XIRP2: variants seen among roughly 807,000 people sequenced by gnomAD.
The protein encoded by XIRP2 is xin actin-binding repeat-containing protein 2.
In XIRP2, 236 loss-of-function variants were observed where a neutral mutation model predicts 277.0. That is an observed-to-expected ratio of 0.85 (90% CI 0.77 to 0.95). The LOEUF (loss-of-function observed/expected upper bound fraction) is 0.95. XIRP2 is among the 40% of genes least tolerant of loss of function. The pLI, the probability that XIRP2 is intolerant of heterozygous loss-of-function variation, is 0.00. For synonymous variants in XIRP2, 1,490 were observed against 1,416.5 expected (o/e 1.05, Z -1.17); for missense variants, 4,640 against 4,157.5 (o/e 1.12, Z -3.19).
chr2:166,892,810 T>G (rs941060829), intron 1 of XIRP2, among the ~76,000 whole-genome samples: 2 of 146,670 alleles, frequency 1.4e-5, no homozygotes, highest in Admixed American at 6.9e-5. Context: ...TCATAGAAGA[T>G]ATATATATAT....
chr2:166,900,038 G>GA (rs767243713), intron 1 of XIRP2, among the ~76,000 whole-genome samples: 10 of 151,746 alleles, frequency 6.6e-5, no homozygotes, highest in Non-Finnish European at 1.5e-4. Context: ...GCCAAATTTG[G>GA]AAAAAATTTA....
chr2:166,930,972 A>G (rs1210715782), intron 2 of XIRP2, among the ~76,000 whole-genome samples: 1 of 152,074 alleles, frequency 6.6e-6, no homozygotes, highest in Non-Finnish European at 1.5e-5. Context: ...CAGAATCCCA[A>G]GTGGGTTTGG....
At chr2:167,077,199 AGAT>A (rs1689594980) in intron 2 of XIRP2, among the ~76,000 whole-genome samples, 1 of 152,074 alleles carries the variant, frequency 6.6e-6, no homozygotes, top group South Asian at 2.1e-4. Flanking sequence ...GGGGAGAAAA[AGAT>A]TATTATTCAC....
rs368117604 is a variant in XIRP2 at position 167,258,858 on chromosome 2, A to G, written c.*1041A>G. On this transcript the variant is annotated 3_prime_UTR_variant, in exon 11 of 11. Transcript: ENST00000409195. Reference sequence around the variant, plus strand: ...GGTATATTTGAATCTGAAAAGACTTATTCGAGGAATGTACTAGCAATGGCT... The same window carrying G: ...GGTATATTTGAATCTGAAAAGACTTGTTCGAGGAATGTACTAGCAATGGCT... 6.2e-7 allele frequency: 1 copy of G among 1,613,146 alleles called. No individual in the cohort carries two copies. The highest frequency in any genetic ancestry group is 1.3e-5 in the African/African-American group (1 of 74,856).
intron 2 of XIRP2, among the ~76,000 whole-genome samples, chr2:167,100,802 G>A (rs561599114): frequency 6.6e-6 from 1 of 152,260 alleles, no homozygotes; most frequent in South Asian, 2.1e-4. Context: ...TCCATCATTA[G>A]TAATTCCCTG....
intron 3 of XIRP2, among the ~76,000 whole-genome samples, chr2:167,172,331 A>G (rs1450136187): frequency 6.6e-6 from 1 of 152,240 alleles, no homozygotes; most frequent in African/African-American, 2.4e-5. Context: ...GGGCAAGATC[A>G]CAGGACCGGG....
chr2:167,168,281 A>G (rs989500598), intron 3 of XIRP2, among the ~76,000 whole-genome samples: 1 of 152,062 alleles, frequency 6.6e-6, no homozygotes, highest in Non-Finnish European at 1.5e-5. Context: ...GGTGTCTAAC[A>G]TTACTTTGCG....
At chr2:166,996,726 G>A (rs999136980) in intron 2 of XIRP2, among the ~76,000 whole-genome samples, 3 of 151,880 alleles carry the variant, frequency 2.0e-5, no homozygotes, top group African/African-American at 7.3e-5. Flanking sequence ...AATTGTAGTC[G>A]GCCTGAACCA....
intron 2 of XIRP2, among the ~76,000 whole-genome samples, chr2:167,026,490 C>T (rs1688164618): frequency 6.6e-6 from 1 of 152,020 alleles, no homozygotes; most frequent in Admixed American, 6.6e-5. Flanking sequence ...GAATTTGATC[C>T]TGTCATTTGA....
intron 2 of XIRP2, among the ~76,000 whole-genome samples, chr2:167,056,368 A>G (rs986665801): frequency 6.6e-6 from 1 of 152,168 alleles, no homozygotes; most frequent in African/African-American, 2.4e-5. Context: ...TCATTTCTGC[A>G]GGTTATCTTT....
chr2:167,166,751 A>G (rs1015152867), intron 3 of XIRP2, among the ~76,000 whole-genome samples: 12 of 152,284 alleles, frequency 7.9e-5, no homozygotes, highest in Admixed American at 2.6e-4. Flanking sequence ...TAAGCCATTC[A>G]TGAGGGATCT....
At chr2:167,047,861 T>C (rs1377620985) in intron 2 of XIRP2, among the ~76,000 whole-genome samples, 1 of 151,978 alleles carries the variant, frequency 6.6e-6, no homozygotes, top group Non-Finnish European at 1.5e-5. Flanking sequence ...ATGTATAAAC[T>C]TAAAAATTCA....
intron 10 of XIRP2, among the ~76,000 whole-genome samples, chr2:167,256,591 C>T (rs1340589302): frequency 6.6e-6 from 1 of 151,690 alleles, no homozygotes; most frequent in Non-Finnish European, 1.5e-5. Flanking sequence ...GTTTTTCTGG[C>T]ATGTTTTCAT....
intron 3 of XIRP2, among the ~76,000 whole-genome samples, chr2:167,183,602 G>C (rs1324922417): frequency 1.3e-5 from 2 of 151,850 alleles, no homozygotes; most frequent in Non-Finnish European, 2.9e-5. Flanking sequence ...TTGTGATTTT[G>C]TCATTTTAAT....
At chr2:167,192,793 C>T (rs1407953793) in intron 3 of XIRP2, among the ~76,000 whole-genome samples, 1 of 152,112 alleles carries the variant, frequency 6.6e-6, no homozygotes, top group African/African-American at 2.4e-5. Flanking sequence ...GGAAATAGGA[C>T]AAGGGAGGCA....
At chr2:167,031,855 T>A (rs969673549) in intron 2 of XIRP2, among the ~76,000 whole-genome samples, 2 of 151,950 alleles carry the variant, frequency 1.3e-5, no homozygotes, top group African/African-American at 4.8e-5. Flanking sequence ...GAACAATCAA[T>A]ATCGTGAAAA....
intron 2 of XIRP2, among the ~76,000 whole-genome samples, chr2:166,973,292 A>G (rs1686625415): frequency 6.6e-6 from 1 of 152,212 alleles, no homozygotes; most frequent in South Asian, 2.1e-4. Context: ...ATATTTTGTC[A>G]TTTACATCAT....
intron 2 of XIRP2, among the ~76,000 whole-genome samples, chr2:167,048,492 T>C (rs892338613): frequency 1.3e-5 from 2 of 151,920 alleles, no homozygotes; most frequent in Admixed American, 6.6e-5. Flanking sequence ...TCTCTTTTTT[T>C]CCCCTTCTCT....
intron 1 of XIRP2, among the ~76,000 whole-genome samples, chr2:166,892,371 A>G (rs922242781): frequency 1.3e-5 from 2 of 152,200 alleles, no homozygotes; most frequent in African/African-American, 4.8e-5. Context: ...GAAACAGAGC[A>G]GGTAGAAATC....
Sources: gnomAD v4.1 joint callset for allele counts (sites outside exome capture counted in the v4.1 genomes callset) on GRCh38, gnomAD v4.1.1 for gene constraint, MANE v1.5 for transcripts, NCBI Gene and HGNC (gene_info 2026-07-23, HGNC 2026-07-21) for gene names.